Variants in RBFOX1 observed in about 807,000 individuals in gnomAD.
RBFOX1 encodes RNA binding fox-1 homolog 1.
In RBFOX1, 8 loss-of-function variants were observed where a neutral mutation model predicts 57.7. The observed-to-expected ratio is 0.14, with a 90% CI of 0.08 to 0.25. RBFOX1 has a LOEUF of 0.25. Among genes scored for constraint, RBFOX1 ranks in the 10% least tolerant of loss-of-function variants. RBFOX1 has a pLI of 1.00. For synonymous variants in RBFOX1, 326 were observed against 222.4 expected (o/e 1.47, Z -4.15); for missense variants, 611 against 548.5 (o/e 1.11, Z -1.14).
intron 5 of RBFOX1, among the ~76,000 whole-genome samples, chr16:7,533,188 T>C (rs2080568193): frequency 6.6e-6 from 1 of 152,196 alleles, no homozygotes; most frequent in Non-Finnish European, 1.5e-5. Context: ...TTTCAGGTCG[T>C]CTGGGTTGTT....
chr16:6,870,609 C>G (rs1567646923), intron 3 of RBFOX1, among the ~76,000 whole-genome samples: 2 of 152,082 alleles, frequency 1.3e-5, no homozygotes, highest in African/African-American at 4.8e-5. Context: ...CTTTGCAAAG[C>G]AATAACAAAT....
intron 3 of RBFOX1, among the ~76,000 whole-genome samples, chr16:6,972,369 A>G (rs757556087): frequency 2.0e-5 from 3 of 152,030 alleles, no homozygotes; most frequent in Non-Finnish European, 4.4e-5. Flanking sequence ...TGACTGGCTT[A>G]TATCACTTAG....
chr16:6,462,253 A>C (rs535352731), intron 2 of RBFOX1, among the ~76,000 whole-genome samples: 3 of 152,186 alleles, frequency 2.0e-5, no homozygotes, highest in Non-Finnish European at 2.9e-5. Flanking sequence ...GGAGGGGCAG[A>C]ATTTCCATTG....
intron 4 of RBFOX1, among the ~76,000 whole-genome samples, chr16:5,907,170 C>T (rs2058479414): frequency 6.6e-6 from 1 of 152,082 alleles, no homozygotes; most frequent in Admixed American, 6.6e-5. Context: ...AGATTGTTGA[C>T]CTGCTGTGGC....
chr16:6,871,642 G>C (rs1473518), intron 3 of RBFOX1, among the ~76,000 whole-genome samples: 32,283 of 151,810 alleles, frequency 0.21, 4,385 homozygotes, highest in Admixed American at 0.36. Context: ...CCTGCCTGGA[G>C]TGCTGTCAAC....
At chr16:5,285,066 C>G (rs891754332) in intron 1 of RBFOX1, among the ~76,000 whole-genome samples, 5 of 152,028 alleles carry the variant, frequency 3.3e-5, no homozygotes, top group African/African-American at 1.2e-4. Flanking sequence ...TGCCTTTACC[C>G]ATCTCATCTC....
intron 4 of RBFOX1, among the ~76,000 whole-genome samples, chr16:7,227,630 A>G (rs2093226519): frequency 6.6e-6 from 1 of 152,072 alleles, no homozygotes; most frequent in African/African-American, 2.4e-5. Context: ...AAGCCCAGTC[A>G]TTGTAGCCAC....
intron 1 of RBFOX1, among the ~76,000 whole-genome samples, chr16:6,241,663 G>A (rs948374963): frequency 6.6e-6 from 1 of 152,188 alleles, no homozygotes; most frequent in Non-Finnish European, 1.5e-5. Context: ...ATTACATTAA[G>A]TAATTTAATG....
chr16:5,330,413 T>C (rs534350406), intron 1 of RBFOX1, among the ~76,000 whole-genome samples: 1 of 152,026 alleles, frequency 6.6e-6, no homozygotes, highest in Non-Finnish European at 1.5e-5. Context: ...TAAAAGAAAA[T>C]TTTTTTTGAG....
Position 6,642,188 on chromosome 16 carries a change from C to A in RBFOX1, c.-63-12415C>A, listed in dbSNP as rs73544111. On this transcript the variant is annotated intron_variant, in intron 2 of 15. Transcript: ENST00000550418. The stretch of plus-strand genomic sequence containing the variant: ...CAGGCTTCCCAGGCTCGTACTTTCT[C>A]TTCGGTGCTGTATTTTTCAGCACAC... 2.2e-3 allele frequency among the ~76,000 whole-genome samples: 336 copies of A among 152,294 alleles called. 2 individuals are homozygous for A. Among genetic ancestry groups the A allele is most frequent in the African/African-American group, 8.0e-3 (331 of 41,568 alleles).
chr16:5,655,977 C>T (rs1306600236), intron 3 of RBFOX1, among the ~76,000 whole-genome samples: 1 of 152,196 alleles, frequency 6.6e-6, no homozygotes, highest in Non-Finnish European at 1.5e-5. Context: ...CTGTCTTGTT[C>T]ACCACAATGT....
chr16:7,188,696 C>A (rs534031475), intron 4 of RBFOX1, among the ~76,000 whole-genome samples: 1 of 152,164 alleles, frequency 6.6e-6, no homozygotes, highest in Non-Finnish European at 1.5e-5. Flanking sequence ...TTCATTTATT[C>A]TGCTGCAGTC....
intron 3 of RBFOX1, among the ~76,000 whole-genome samples, chr16:6,966,190 G>A (rs375547127): frequency 6.6e-6 from 1 of 152,074 alleles, no homozygotes; most frequent in African/African-American, 2.4e-5. Flanking sequence ...CTATCTCTCT[G>A]AGCCAGCTGC....
chr16:5,530,982 A>G (rs2044453848), intron 2 of RBFOX1, among the ~76,000 whole-genome samples: 2 of 142,708 alleles, frequency 1.4e-5, no homozygotes, highest in South Asian at 2.2e-4. Flanking sequence ...AAAATTAGCC[A>G]GGCTTGGTGG....
intron 2 of RBFOX1, among the ~76,000 whole-genome samples, chr16:5,497,595 G>A (rs1205505881): frequency 9.4e-5 from 13 of 137,610 alleles, no homozygotes; most frequent in Non-Finnish European, 1.4e-4. Flanking sequence ...TGGCCAACGC[G>A]GTGAAACCCT....
Position 7,143,678 on chromosome 16 carries a change from C to A in RBFOX1, c.27+91580C>A, listed in dbSNP as rs531280807. On this transcript the variant is annotated intron_variant, in intron 4 of 15. Transcript: ENST00000550418. ...CTGGGAGTTCAGCTCTCTGCAGATA[C>A]GATCCTCAGCATTAAAACTTCTCCA... is the stretch of plus-strand genomic sequence containing the variant. Among the ~76,000 whole-genome samples the A allele has an allele frequency of 6.6e-5, 10 of 152,202 alleles. No individual in the cohort carries two copies. The East Asian group carries it at 1.9e-3, about 29-fold the overall frequency.
chr16:6,909,735 T>G (rs2071071182), intron 3 of RBFOX1, among the ~76,000 whole-genome samples: 2 of 151,458 alleles, frequency 1.3e-5, no homozygotes, highest in Non-Finnish European at 2.9e-5. Flanking sequence ...ATGACTGTTG[T>G]TGGTTTCACT....
intron 3 of RBFOX1, among the ~76,000 whole-genome samples, chr16:6,745,022 A>G (rs1210527586): frequency 2.0e-5 from 3 of 152,070 alleles, no homozygotes; most frequent in Non-Finnish European, 2.9e-5. Flanking sequence ...CTCTATAGGT[A>G]TTAAAAGAAA....
In RBFOX1 at chr16:7,518,461, G is replaced by A. The variant is rs572428426; in HGVS notation, c.270+72G>A. On this transcript the variant is annotated intron_variant, in intron 5 of 15. Transcript: ENST00000550418. ...CCCAGCCCTGGTAATGGCAGCGGGG[G>A]TGCACCCCCATCTACCCAGGGACTC... 2.9e-5 allele frequency: 44 copies of A among 1,526,470 alleles called. 1 individual carries two copies. Among genetic ancestry groups the A allele is most frequent in the African/African-American group, 6.8e-5 (5 of 73,232 alleles). The allele number at this position is 1,526,470 out of a possible 1,614,324, so 94.6% of individuals were successfully genotyped here.
Sources: gnomAD v4.1 joint callset for allele counts (sites outside exome capture counted in the v4.1 genomes callset) on GRCh38, gnomAD v4.1.1 for gene constraint, MANE v1.5 for transcripts, NCBI Gene and HGNC (gene_info 2026-07-23, HGNC 2026-07-21) for gene names.